Variants in COL24A1 observed in about 807,000 individuals in gnomAD.
The protein encoded by COL24A1 is collagen alpha-1(XXIV) chain.
Under a neutral mutation model 253.9 loss-of-function variants are expected in COL24A1, and 224 were observed. The ratio of observed to expected loss-of-function variants is 0.88; its 90% CI spans 0.79 to 0.99. COL24A1 has a LOEUF of 0.99. Among genes scored for constraint, COL24A1 ranks in the 50% least tolerant of loss-of-function variants. The probability of loss-of-function intolerance (pLI) is 0.00; values close to 1 mark genes in which losing one functional copy is unlikely to be tolerated. For missense variants in COL24A1, 2,131 were observed against 2,068.5 expected (o/e 1.03, Z -0.59); for synonymous variants, 685 against 673.7 (o/e 1.02, Z -0.26).
At chr1:85,956,966 C>G (rs1276220623) in intron 24 of COL24A1, among the ~76,000 whole-genome samples, 1 of 152,068 alleles carries the variant, frequency 6.6e-6, no homozygotes, top group Non-Finnish European at 1.5e-5. Flanking sequence ...AGAACCAACC[C>G]AAATGCCCAT....
intron 19 of COL24A1, among the ~76,000 whole-genome samples, chr1:86,004,003 T>A (rs765590653): frequency 6.6e-6 from 1 of 152,144 alleles, no homozygotes; most frequent in Non-Finnish European, 1.5e-5. Flanking sequence ...ATCAAATGAA[T>A]GGAGAAGACA....
intron 19 of COL24A1, among the ~76,000 whole-genome samples, chr1:85,996,506 G>T (rs2101010851): frequency 3.1e-5 from 2 of 64,358 alleles, no homozygotes; most frequent in Admixed American, 2.6e-4. Context: ...CATGGTGGTG[G>T]GTTCCTGAAA....
At chr1:85,804,544 G>A (rs1671766465) in intron 47 of COL24A1, among the ~76,000 whole-genome samples, 1 of 152,164 alleles carries the variant, frequency 6.6e-6, no homozygotes, top group Non-Finnish European at 1.5e-5. Flanking sequence ...GTTCCACATG[G>A]CTGGGGAGGC....
At chr1:85,824,583 A>G (rs1267833115) in intron 43 of COL24A1, among the ~76,000 whole-genome samples, 1 of 152,166 alleles carries the variant, frequency 6.6e-6, no homozygotes, top group African/African-American at 2.4e-5. Context: ...AGGTATTACT[A>G]TAATACCAAG....
chr1:85,823,654 A>G, intron 44 of COL24A1, 31 bp downstream of exon 44: 1 of 1,613,346 alleles, frequency 6.2e-7, no homozygotes, highest in Non-Finnish European at 8.5e-7. Context: ...TATTAATGTT[A>G]ATTTTTAGAA....
intron 32 of COL24A1, among the ~76,000 whole-genome samples, chr1:85,884,353 G>C (rs1419747845): frequency 1.3e-5 from 2 of 152,086 alleles, no homozygotes; most frequent in African/African-American, 4.8e-5. Context: ...GTGTTTACTG[G>C]TTGTTGTAGC....
intron 24 of COL24A1, among the ~76,000 whole-genome samples, chr1:85,945,002 G>GTTTTTTTTTTTTTTTTTT (rs1165341082): frequency 2.3e-4 from 8 of 35,358 alleles, no homozygotes; most frequent in South Asian, 1.2e-3. Context: ...CTATCATTGT[G>GTTTTTTTTTTTTTTTTTT]TTTTTTTTTT....
intron 52 of COL24A1, among the ~76,000 whole-genome samples, chr1:85,777,457 A>G (rs944919420): frequency 6.6e-6 from 1 of 152,146 alleles, no homozygotes; most frequent in Non-Finnish European, 1.5e-5. Context: ...ACTTAACAAT[A>G]CATCATGAAA....
intron 2 of COL24A1, among the ~76,000 whole-genome samples, chr1:86,132,465 C>T (rs1369659289): frequency 1.3e-5 from 2 of 151,972 alleles, no homozygotes; most frequent in African/African-American, 4.8e-5. Context: ...AATGGTATTG[C>T]CTAGGTTTTC....
At chr1:85,952,377 G>A (rs1690022250) in intron 24 of COL24A1, among the ~76,000 whole-genome samples, 1 of 152,144 alleles carries the variant, frequency 6.6e-6, no homozygotes, top group Admixed American at 6.5e-5. Context: ...TACATGTGGT[G>A]TACATGTAAA....
At chr1:86,070,715 C>T (rs985659002) in intron 7 of COL24A1, among the ~76,000 whole-genome samples, 1 of 151,964 alleles carries the variant, frequency 6.6e-6, no homozygotes, top group Non-Finnish European at 1.5e-5. Flanking sequence ...AAACTTTTAC[C>T]CTAGAATGGT....
chr1:85,824,096 T>C (rs983372252), intron 43 of COL24A1, among the ~76,000 whole-genome samples: 2 of 152,158 alleles, frequency 1.3e-5, no homozygotes, highest in African/African-American at 2.4e-5. Context: ...GATCTCAAGA[T>C]AAGATTATCC....
rs577089207 is a variant in COL24A1, at chr1:86,135,330, G to A, written c.122-9116C>T. 7.2e-4 allele frequency among the ~76,000 whole-genome samples: 109 copies of A among 152,046 alleles called. 1 individual carries two copies. The South Asian group carries it at 0.019, about 27-fold the overall frequency. On this transcript the variant is annotated intron_variant, in intron 2 of 59. Transcript: ENST00000370571. ...TTTGCCGGTCTGTGTCTTTTAATTG[G>A]AGCATTTAGCCCATTTACACTTAAG...
At chr1:86,051,506 G>T (rs575342104) in intron 10 of COL24A1, among the ~76,000 whole-genome samples, 2 of 152,196 alleles carry the variant, frequency 1.3e-5, no homozygotes, top group South Asian at 4.2e-4. Flanking sequence ...CAATCAATCA[G>T]AATGAAATGA....
intron 7 of COL24A1, among the ~76,000 whole-genome samples, chr1:86,074,067 T>C (rs1702069566): frequency 6.6e-6 from 1 of 152,070 alleles, no homozygotes; most frequent in South Asian, 2.1e-4. Flanking sequence ...ATGGGCAAAA[T>C]AACCAGCTAG....
intron 7 of COL24A1, among the ~76,000 whole-genome samples, chr1:86,069,202 A>C (rs923097058): frequency 1.3e-5 from 2 of 152,148 alleles, no homozygotes; most frequent in Non-Finnish European, 2.9e-5. Context: ...AGGATCTTAC[A>C]CAGCATTTCT....
chr1:85,820,511 G>A (rs911581787), intron 45 of COL24A1, among the ~76,000 whole-genome samples: 10 of 152,170 alleles, frequency 6.6e-5, no homozygotes, highest in Non-Finnish European at 1.2e-4. Flanking sequence ...ATGCCAATAC[G>A]GTGAGACAAT....
At chr1:85,853,218 T>C (rs1677996267) in intron 37 of COL24A1, among the ~76,000 whole-genome samples, 1 of 152,172 alleles carries the variant, frequency 6.6e-6, no homozygotes, top group East Asian at 1.9e-4. Context: ...GAACATGTGG[T>C]ATTTGGTTTT....
intron 19 of COL24A1, among the ~76,000 whole-genome samples, chr1:86,011,835 G>A (rs547023): frequency 0.18 from 27,669 of 152,164 alleles, 3,204 homozygotes; most frequent in African/African-American, 0.32. Flanking sequence ...TGGGTTGAAA[G>A]CACTCTCATT....
Sources: gnomAD v4.1 joint callset for allele counts (sites outside exome capture counted in the v4.1 genomes callset) on GRCh38, gnomAD v4.1.1 for gene constraint, MANE v1.5 for transcripts, NCBI Gene and HGNC (gene_info 2026-07-23, HGNC 2026-07-21) for gene names.